Variants in GSDME observed in about 807,000 individuals in gnomAD.
GSDME encodes the protein gasdermin-E.
A neutral mutation model predicts 47.5 loss-of-function variants in GSDME; 44 were observed. The observed-to-expected ratio is 0.93, with a 90% CI of 0.73 to 1.19. GSDME has a LOEUF of 1.19. Ranked by LOEUF, GSDME falls within the 50% of genes most tolerant of loss-of-function variation. The pLI, the probability that GSDME is intolerant of heterozygous loss-of-function variation, is 0.00. For synonymous variants in GSDME, 258 were observed against 252.8 expected (o/e 1.02, Z -0.20); for missense variants, 663 against 604.2 (o/e 1.10, Z -1.02).
intron 3 of GSDME, among the ~76,000 whole-genome samples, chr7:24,729,770 A>G (rs1447960839): frequency 1.3e-5 from 2 of 152,214 alleles, no homozygotes; most frequent in African/African-American, 4.8e-5. Context: ...GATTGAAAGC[A>G]TGGCTCTGTT....
intron 3 of GSDME, among the ~76,000 whole-genome samples, chr7:24,727,965 G>C (rs555846233): frequency 6.6e-6 from 1 of 152,296 alleles, no homozygotes; most frequent in South Asian, 2.1e-4. Context: ...CCCACACTAC[G>C]AGTCGGGGGT....
At chr7:24,773,063 G>A in the GSDME span, among the ~76,000 whole-genome samples, 7,049 of 152,218 alleles carry the variant, frequency 0.046, 218 homozygotes, top group Middle Eastern at 0.088. This position sits in a 1 kb window ranked among gnomAD's most constrained non-coding sequence, Gnocchi z 5.4. Flanking sequence ...CCCAAGGTGG[G>A]CTATGCAAGC....
chr7:24,706,792 C>G (rs950242844), intron 7 of GSDME, among the ~76,000 whole-genome samples: 7 of 152,362 alleles, frequency 4.6e-5, no homozygotes, highest in African/African-American at 1.7e-4. Context: ...GCATCTGTCC[C>G]CACAGAGCCT....
At chr7:24,738,816 G>A (rs990335218) in intron 3 of GSDME, among the ~76,000 whole-genome samples, 7 of 152,004 alleles carry the variant, frequency 4.6e-5, no homozygotes, top group African/African-American at 1.4e-4. Flanking sequence ...TGGAGAATCC[G>A]GAAACAAATC....
At chr7:24,741,629 T>A (rs996980118) in intron 3 of GSDME, among the ~76,000 whole-genome samples, 6 of 152,202 alleles carry the variant, frequency 3.9e-5, no homozygotes, top group African/African-American at 1.4e-4. Context: ...TGTCTGCAGA[T>A]GACAACTTAT....
intron 9 of GSDME, among the ~76,000 whole-genome samples, chr7:24,701,825 C>G (rs555873029): frequency 1.3e-5 from 2 of 152,336 alleles, no homozygotes; most frequent in African/African-American, 4.8e-5. Context: ...GATACCTGAT[C>G]TGCTCCTTGG....
intron 6 of GSDME, among the ~76,000 whole-genome samples, chr7:24,709,061 G>A (rs1388046077): frequency 6.6e-6 from 1 of 152,178 alleles, no homozygotes; most frequent in Non-Finnish European, 1.5e-5. Context: ...ATTCCAACTA[G>A]CAGTTGTATA....
In GSDME at chr7:24,744,639, T is replaced by TACGC. The variant is rs745307407; in HGVS notation, c.323_326dup (p.Glu110ArgfsTer45). 6.2e-7 allele frequency: 1 copy of TACGC among 1,614,206 alleles called. No homozygotes were observed. Among genetic ancestry groups the TACGC allele is most frequent in the South Asian group, 1.1e-5 (1 of 91,086 alleles). ...GGGTTCCAAATGAAGACTGGCTCTC[T>TACGC]ACGCGGCTGCTGCCCCCCAGGTTCA... On this transcript the variant is annotated frameshift_variant, in exon 3 of 10. Coordinates refer to ENST00000645220, the MANE Select transcript of GSDME (RefSeq NM_001127453.2). LOFTEE classifies it high-confidence loss of function. The surrounding 1 kb of genome is among the most constrained non-coding windows in gnomAD (Gnocchi z 4.5).
In GSDME at chr7:24,733,105, C is replaced by T. The variant is rs978353157; in HGVS notation, c.404+11457G>A. ...AGCTCAGCCACAGTAGGATAGGGCACCAGGCAGAGTTGTGAGGCCCCCACT... is the reference window on the plus strand; with the variant it reads ...AGCTCAGCCACAGTAGGATAGGGCATCAGGCAGAGTTGTGAGGCCCCCACT... On this transcript the variant is annotated intron_variant, in intron 3 of 9. Transcript: ENST00000645220. The surrounding 1 kb of genome is among the most constrained non-coding windows in gnomAD (Gnocchi z 4.3). Among the ~76,000 whole-genome samples the T allele has an allele frequency of 2.0e-5, 3 of 152,030 alleles. No individual in the cohort carries two copies. The highest frequency in any genetic ancestry group is 2.9e-5 in the Non-Finnish European group (2 of 68,018).
chr7:24,727,914 A>C (rs114699582), intron 3 of GSDME, among the ~76,000 whole-genome samples: 90 of 152,288 alleles, frequency 5.9e-4, no homozygotes, highest in African/African-American at 2.2e-3. Flanking sequence ...TTCTGCAGGA[A>C]CTGTCCCCAG....
the GSDME span, among the ~76,000 whole-genome samples, chr7:24,768,028 A>G: frequency 6.6e-6 from 1 of 152,224 alleles, no homozygotes; most frequent in Non-Finnish European, 1.5e-5. The surrounding 1 kb of genome is among the most constrained non-coding windows in gnomAD (Gnocchi z 5.6). Context: ...AATTAAACTG[A>G]GCAGAACAAA....
the GSDME span, among the ~76,000 whole-genome samples, chr7:24,771,810 C>T: frequency 6.6e-6 from 1 of 152,092 alleles, no homozygotes; most frequent in East Asian, 1.9e-4. The surrounding 1 kb of genome is among the most constrained non-coding windows in gnomAD (Gnocchi z 4.1). Context: ...AAAGGAAAGG[C>T]CAAGAGGAAG....
At chr7:24,790,486 G>A in the GSDME span, among the ~76,000 whole-genome samples, 1 of 152,172 alleles carries the variant, frequency 6.6e-6, no homozygotes, top group African/African-American at 2.4e-5. The surrounding 1 kb of genome is among the most constrained non-coding windows in gnomAD (Gnocchi z 4.1). Flanking sequence ...AAGAAGGATG[G>A]TTTAATAGTG....
chr7:24,755,647 G>C (rs563572971), intron 1 of GSDME, among the ~76,000 whole-genome samples: 1 of 152,182 alleles, frequency 6.6e-6, no homozygotes, highest in Non-Finnish European at 1.5e-5. Context: ...ATCACATAGA[G>C]AATCAGTGCT....
In GSDME at chr7:24,702,826, T is replaced by C. The variant is rs944847948; in HGVS notation, c.1191A>G (p.Pro397=). The C allele has an allele frequency of 6.2e-7, 1 of 1,612,840 alleles. No individual in the cohort carries two copies. The stretch of plus-strand genomic sequence containing the variant: ...TGCCCAGCAGAGCTGCTGCGCTATC[T>C]GGCATTTCTGCAGGAGAGAAAAATC... ...YFLVSALAEM[P]DSAAALLGTC... The change falls in exon 9 of 10, where the codon CCA becomes CCG. Residue 397 remains proline, a synonymous_variant. Transcript: ENST00000645220.
At chr7:24,741,743 G>T in intron 3 of GSDME, among the ~76,000 whole-genome samples, 1 of 152,218 alleles carries the variant, frequency 6.6e-6, no homozygotes, top group East Asian at 1.9e-4. Context: ...TATCAACAAC[G>T]CCTTATCAAT....
rs745411723 is a variant in GSDME at position 24,719,079 on chromosome 7, C to T, written c.544G>A (p.Gly182Ser). The T allele has an allele frequency of 1.9e-6, 3 of 1,613,358 alleles. No homozygotes were observed. The highest frequency in any genetic ancestry group is 4.5e-5 in the East Asian group (2 of 44,876). The change falls in exon 4 of 10, where the codon GGC becomes AGC. Residue 182 changes from glycine to serine, a missense_variant. Gly to Ser is a moderately conservative substitution (Grantham distance 56). Coordinates refer to ENST00000645220, the MANE Select transcript of GSDME (RefSeq NM_001127453.2). ...EHMQVEEKCG[G>S]IVGIQTKTVQ... ...GTCTTGGTCTGGATGCCCACGATGC[C>T]ACCACACTTCTCCTCGACCTGCATG...
rs375973038 is a variant in GSDME, at chr7:24,744,717, C to T, written c.249G>A (p.Lys83=). 6.2e-7 allele frequency: 1 copy of T among 1,614,012 alleles called. No individual in the cohort carries two copies. Among genetic ancestry groups the T allele is most frequent in the Non-Finnish European group, 8.5e-7 (1 of 1,180,042 alleles). ...GGGTTCCACTCACGTGGTTTGCAAA[C>T]TTGCCCTCGTATTTCACAAAGTCCG... is the stretch of plus-strand genomic sequence containing the variant. ...VESDFVKYEG[K]FANHVSGTLE... The change falls in exon 3 of 10, where the codon AAG becomes AAA. Residue 83 remains lysine, a synonymous_variant. Transcript: ENST00000645220. The surrounding 1 kb of genome is among the most constrained non-coding windows in gnomAD (Gnocchi z 4.5).
intron 3 of GSDME, among the ~76,000 whole-genome samples, chr7:24,722,655 C>G (rs1379171313): frequency 6.6e-6 from 1 of 152,198 alleles, no homozygotes; most frequent in Non-Finnish European, 1.5e-5. Flanking sequence ...CCGCCCTAAA[C>G]AGAATCCACT....
Sources: gnomAD v4.1 joint callset for allele counts (sites outside exome capture counted in the v4.1 genomes callset) on GRCh38, gnomAD v4.1.1 for gene constraint, Gnocchi (gnomAD v3.1) non-coding constraint, MANE v1.5 for transcripts, NCBI Gene and HGNC (gene_info 2026-07-23, HGNC 2026-07-21) for gene names.